The following OR56A3 variants were observed in gnomAD, a reference collection of about 807,000 sequenced individuals.
OR56A3 encodes olfactory receptor 56A3.
Under a neutral mutation model 17.5 loss-of-function variants are expected in OR56A3, and 23 were observed. That is an observed-to-expected ratio of 1.32 (90% CI 0.95 to 1.87). The LOEUF (loss-of-function observed/expected upper bound fraction) is 1.87. Among genes scored for constraint, OR56A3 ranks in the 40% most tolerant of loss-of-function variants. OR56A3 has a pLI of 0.00. For synonymous variants in OR56A3, 175 were observed against 150.6 expected (o/e 1.16, Z -1.19); for missense variants, 366 against 380.1 (o/e 0.96, Z 0.31).
chr11:5,967,918 C>T, the OR56A3 span: 4 of 1,594,488 alleles, frequency 2.5e-6, no homozygotes, highest in Non-Finnish European at 2.6e-6. Flanking sequence ...GTGATGTCAT[C>T]ACAAGAGAGT....
chr11:5,986,176 C>T, the OR56A3 span: 25 of 1,613,842 alleles, frequency 1.5e-5, no homozygotes, highest in Middle Eastern at 1.7e-4. Context: ...CGCCTTAAGT[C>T]GGGCCTCACT....
the OR56A3 span, among the ~76,000 whole-genome samples, chr11:5,971,093 G>T: frequency 1.3e-5 from 2 of 152,172 alleles, no homozygotes; most frequent in African/African-American, 4.8e-5. Flanking sequence ...AAGCTCTTGG[G>T]GAAGCTTGGG....
the OR56A3 span, among the ~76,000 whole-genome samples, chr11:5,985,310 A>G: frequency 3.3e-5 from 5 of 152,340 alleles, no homozygotes; most frequent in African/African-American, 1.2e-4. Context: ...GATATCTTTT[A>G]AAATAAATTT....
chr11:5,995,040 C>T, the OR56A3 span: 4 of 636,042 alleles, frequency 6.3e-6, no homozygotes, highest in Non-Finnish European at 8.6e-6. Flanking sequence ...AACCTGAGGC[C>T]CCGGCGCCTG....
the OR56A3 span, chr11:6,003,328 T>C: frequency 2.1e-6 from 1 of 481,794 alleles, no homozygotes; most frequent in East Asian, 3.2e-5. Context: ...CCACGCAGTT[T>C]AAAAACCAGC....
the OR56A3 span, among the ~76,000 whole-genome samples, chr11:5,970,710 C>G: frequency 6.6e-6 from 1 of 151,648 alleles, no homozygotes; most frequent in African/African-American, 2.4e-5. Context: ...GATAAAGCAA[C>G]AGCCCTGGGG....
rs1847885655 is a variant in OR56A3, at chr11:5,948,174, G to T, written c.828G>T (p.Val276=). 1 of 1,614,176 alleles carries T rather than the reference G, an allele frequency of 6.2e-7. No individual in the cohort carries two copies. Among genetic ancestry groups the T allele is most frequent in the Non-Finnish European group, 8.5e-7 (1 of 1,180,004 alleles). ...HVAKKKVSPD[V]PVLLNVLHHV... ...CTAAGAAGAAAGTCTCCCCTGATGT[G>T]CCAGTCTTGCTCAATGTTCTCCACC... is the stretch of plus-strand genomic sequence containing the variant. Residue 276 remains valine (V), a synonymous_variant, in exon 3 of 3, where the codon GTG becomes GTT. Coordinates refer to ENST00000641160, the MANE Select transcript of OR56A3 (RefSeq NM_001003443.3).
At chr11:5,977,565 G>A in the OR56A3 span, among the ~76,000 whole-genome samples, 1 of 151,944 alleles carries the variant, frequency 6.6e-6, no homozygotes, top group African/African-American at 2.4e-5. Flanking sequence ...AGGTTGTTTG[G>A]GTTTGTCTTG....
chr11:6,002,260 C>T, the OR56A3 span: 1 of 1,614,134 alleles, frequency 6.2e-7, no homozygotes, highest in South Asian at 1.1e-5. Context: ...AAGTGGGAAC[C>T]ACACGTGCTC....
At chr11:5,981,863 G>C in the OR56A3 span, among the ~76,000 whole-genome samples, 1 of 152,142 alleles carries the variant, frequency 6.6e-6, no homozygotes, top group African/African-American at 2.4e-5. Context: ...GCCCTTAAGG[G>C]TTTCACTGTG....
chr11:5,961,349 T>C, the OR56A3 span, among the ~76,000 whole-genome samples: 3,354 of 152,332 alleles, frequency 0.022, 48 homozygotes, highest in South Asian at 0.042. Context: ...CAGATTGTTA[T>C]TGTGTCTGTA....
At chr11:5,986,400 G>T in the OR56A3 span, 5 of 1,613,796 alleles carry the variant, frequency 3.1e-6, no homozygotes, top group African/African-American at 6.7e-5. Context: ...ACAAAATGGG[G>T]AAGGGGATAA....
chr11:6,019,815 A>C, the OR56A3 span: 1 of 152,112 alleles, frequency 6.6e-6, no homozygotes, highest in African/African-American at 2.4e-5. Flanking sequence ...GCTTTTTCTC[A>C]AAAGCATTTA....
chr11:5,959,093 C>T, the OR56A3 span, among the ~76,000 whole-genome samples: 5 of 152,302 alleles, frequency 3.3e-5, no homozygotes, highest in African/African-American at 4.8e-5. Context: ...AAACATGAGA[C>T]AGCAGCTATC....
At chr11:5,990,602 C>A in the OR56A3 span, among the ~76,000 whole-genome samples, 1 of 152,106 alleles carries the variant, frequency 6.6e-6, no homozygotes, top group Admixed American at 6.5e-5. Context: ...GTGGCCTGAT[C>A]TCTATGATAA....
the OR56A3 span, chr11:5,994,248 C>T: frequency 1.8e-6 from 1 of 563,104 alleles, no homozygotes; most frequent in East Asian, 4.1e-5. Context: ...CCAGGTCTAT[C>T]TCCAAAGACT....
the OR56A3 span, chr11:5,967,655 G>A: frequency 3.1e-6 from 5 of 1,613,884 alleles, no homozygotes; most frequent in African/African-American, 1.3e-5. Flanking sequence ...GGTGCAGGAT[G>A]TTGAGCAGGA....
At chr11:5,998,182 C>CT in the OR56A3 span, among the ~76,000 whole-genome samples, 2 of 152,178 alleles carry the variant, frequency 1.3e-5, no homozygotes, top group African/African-American at 2.4e-5. Context: ...CTTTGAACTT[C>CT]TCTCTCTGTC....
the OR56A3 span, chr11:6,002,705 G>A: frequency 1.2e-6 from 2 of 1,614,260 alleles, no homozygotes; most frequent in Admixed American, 1.7e-5. Flanking sequence ...AGGCTGGGAA[G>A]CTGATCGACC....
Sources: gnomAD v4.1 joint callset for allele counts (sites outside exome capture counted in the v4.1 genomes callset) on GRCh38, gnomAD v4.1.1 for gene constraint, MANE v1.5 for transcripts, NCBI Gene and HGNC (gene_info 2026-07-23, HGNC 2026-07-21) for gene names.